The following UPF2 variants were observed in gnomAD, a reference collection of about 807,000 sequenced individuals.
UPF2 encodes the protein regulator of nonsense transcripts 2.
A neutral mutation model predicts 141.4 loss-of-function variants in UPF2; 17 were observed. The observed-to-expected ratio is 0.12, with a 90% CI of 0.08 to 0.18. The LOEUF is 0.18. Among genes scored for constraint, UPF2 ranks in the 10% least tolerant of loss-of-function variants. UPF2 has a pLI of 1.00. For synonymous variants in UPF2, 540 were observed against 498.0 expected (o/e 1.08, Z -1.12); for missense variants, 1,152 against 1,515.9 (o/e 0.76, Z 3.99).
Position 11,992,539 on chromosome 10 carries a change from T to A in UPF2, c.1844+5133A>T, listed in dbSNP as rs904898136. Among the ~76,000 whole-genome samples, 1 of 151,934 alleles carries A rather than the reference T, an allele frequency of 6.6e-6. No homozygotes were observed. The highest frequency in any genetic ancestry group is 2.4e-5 in the African/African-American group (1 of 41,346). ...CAATCATAAAGTAATAAAATAATAA[T>A]GCAAACCTTCCTAAAACCAAGAAAC... is the stretch of plus-strand genomic sequence containing the variant. On this transcript the variant is annotated intron_variant, in intron 8 of 21. Transcript: ENST00000357604. This position sits in a 1 kb window ranked among gnomAD's most constrained non-coding sequence, Gnocchi z 4.1.
chr10:11,971,034 A>G (rs1201971231), intron 9 of UPF2, among the ~76,000 whole-genome samples: 4 of 152,060 alleles, frequency 2.6e-5, no homozygotes, highest in African/African-American at 9.7e-5. Context: ...TCCACATCAT[A>G]TATTTACATT....
In UPF2 at chr10:11,939,645, G is replaced by A. The variant is rs2131166861; in HGVS notation, c.3379-2933C>T. 6.6e-6 allele frequency among the ~76,000 whole-genome samples: 1 copy of A among 152,030 alleles called. No individual in the cohort carries two copies. The highest frequency in any genetic ancestry group is 2.1e-4 in the South Asian group (1 of 4,812). The stretch of plus-strand genomic sequence containing the variant: ...TTCTCCTGACTCAGCCTCCTGAGTA[G>A]CTGGGATTACAGGCGCCTGCCACCA... On this transcript the variant is annotated intron_variant, in intron 18 of 21. Transcript: ENST00000357604. The surrounding 1 kb of genome is among the most constrained non-coding windows in gnomAD (Gnocchi z 4.8).
chr10:11,961,926 T>C (rs1187263320), intron 11 of UPF2, among the ~76,000 whole-genome samples: 1 of 152,170 alleles, frequency 6.6e-6, no homozygotes, highest in African/African-American at 2.4e-5. Flanking sequence ...TATAGTACAC[T>C]GACTATAGCT....
intron 10 of UPF2, among the ~76,000 whole-genome samples, chr10:11,965,255 G>T (rs1833300515): frequency 1.3e-5 from 2 of 152,004 alleles, no homozygotes; most frequent in African/African-American, 4.8e-5. Flanking sequence ...ATATTTTTAA[G>T]AATTAGTACA....
At chr10:12,005,118 T>C (rs1834014966) in intron 4 of UPF2, among the ~76,000 whole-genome samples, 1 of 152,208 alleles carries the variant, frequency 6.6e-6, no homozygotes, top group South Asian at 2.1e-4. Context: ...ATTTTTTTTT[T>C]TTTTGGCAAC....
intron 18 of UPF2, among the ~76,000 whole-genome samples, chr10:11,938,272 T>C (rs1564337515): frequency 6.6e-6 from 1 of 152,242 alleles, no homozygotes; most frequent in Non-Finnish European, 1.5e-5. Context: ...ATTACATTGA[T>C]ATGCCCTTAT....
intron 1 of UPF2, among the ~76,000 whole-genome samples, chr10:12,038,349 C>A: frequency 6.7e-6 from 1 of 149,802 alleles, no homozygotes; most frequent in Non-Finnish European, 1.5e-5. Flanking sequence ...CACTGCACTC[C>A]AGCATGGGCG....
chr10:11,932,561 AAAAAAAACAT>A (rs1299628808), intron 19 of UPF2, among the ~76,000 whole-genome samples: 1 of 152,048 alleles, frequency 6.6e-6, no homozygotes, highest in African/African-American at 2.4e-5. Context: ...TTATGTACTT[AAAAAAAACAT>A]AAAAGAGACA....
At chr10:11,972,243 A>G (rs760308665) in intron 9 of UPF2, among the ~76,000 whole-genome samples, 13 of 152,144 alleles carry the variant, frequency 8.5e-5, no homozygotes, top group Non-Finnish European at 1.5e-4. Context: ...GAGATTTTCT[A>G]TCTTCCATAA....
At chr10:11,923,706 GCACATGCCTGTAAT>G (rs1445017796) in intron 21 of UPF2, among the ~76,000 whole-genome samples, 1 of 151,362 alleles carries the variant, frequency 6.6e-6, no homozygotes, top group East Asian at 1.9e-4. Context: ...GGGCGTGGTG[GCACATGCCTGTAAT>G]CACAGCTACT....
chr10:11,986,495 A>G (rs948782408), intron 8 of UPF2, among the ~76,000 whole-genome samples: 4 of 152,194 alleles, frequency 2.6e-5, no homozygotes, highest in Admixed American at 2.6e-4. Flanking sequence ...TTGGCTTTCT[A>G]AAAGAAATGT....
At chr10:11,985,429 A>T (rs1352095357) in intron 8 of UPF2, among the ~76,000 whole-genome samples, 1 of 152,096 alleles carries the variant, frequency 6.6e-6, no homozygotes, top group Non-Finnish European at 1.5e-5. Flanking sequence ...CGAGGTCAGG[A>T]GATGGAGACC....
intron 19 of UPF2, among the ~76,000 whole-genome samples, chr10:11,932,606 G>C (rs1014328782): frequency 6.6e-6 from 1 of 152,070 alleles, no homozygotes; most frequent in Non-Finnish European, 1.5e-5. Context: ...GAAATGAAGA[G>C]ACAAATTTAC....
chr10:11,996,768 G>A (rs977542248), intron 8 of UPF2, among the ~76,000 whole-genome samples: 4 of 152,030 alleles, frequency 2.6e-5, no homozygotes, highest in Admixed American at 6.6e-5. Flanking sequence ...AATGAATAAC[G>A]CTAGCAGGAG....
rs541547640 is a variant in UPF2, at chr10:11,998,482, C to T, written c.1759-725G>A. Among the ~76,000 whole-genome samples the T allele has an allele frequency of 4.6e-5, 7 of 152,190 alleles. No homozygotes were observed. Among genetic ancestry groups the T allele is most frequent in the African/African-American group, 1.4e-4 (6 of 41,548 alleles). On this transcript the variant is annotated intron_variant, in intron 7 of 21. Coordinates refer to ENST00000357604, the MANE Select transcript of UPF2 (RefSeq NM_015542.4). This position sits in a 1 kb window ranked among gnomAD's most constrained non-coding sequence, Gnocchi z 4.5. Reference sequence around the variant, plus strand: ...ACTGCAGCCTTGCTCTGCCAGGCTCCAGGGATCCTCCTGCCTCAGCTCCCG... The same window carrying T: ...ACTGCAGCCTTGCTCTGCCAGGCTCTAGGGATCCTCCTGCCTCAGCTCCCG...
intron 8 of UPF2, among the ~76,000 whole-genome samples, chr10:11,985,630 A>G (rs1317471247): frequency 1.3e-5 from 2 of 150,564 alleles, no homozygotes; most frequent in African/African-American, 4.9e-5. Context: ...CCAAAAAAAA[A>G]AAAAAACAAA....
intron 8 of UPF2, among the ~76,000 whole-genome samples, chr10:11,994,182 G>T (rs1297164251): frequency 1.3e-5 from 2 of 151,952 alleles, no homozygotes; most frequent in African/African-American, 4.8e-5. Context: ...TTTTTTAGTA[G>T]GAAAAAACTA....
intron 16 of UPF2, among the ~76,000 whole-genome samples, chr10:11,945,549 C>T (rs145157890): frequency 6.6e-6 from 1 of 152,206 alleles, no homozygotes; most frequent in African/African-American, 2.4e-5. Context: ...GCACTTGGAA[C>T]CTCCCTCTGC....
chr10:12,021,994 G>T (rs749579048), intron 3 of UPF2, among the ~76,000 whole-genome samples: 4 of 152,068 alleles, frequency 2.6e-5, no homozygotes, highest in Non-Finnish European at 5.9e-5. Flanking sequence ...ACAAAAATTA[G>T]TCGAGTGTGG....
Sources: allele counts gnomAD v4.1 joint callset (sites outside exome capture counted in the v4.1 genomes callset), GRCh38; gene constraint gnomAD v4.1.1; non-coding constraint Gnocchi (gnomAD v3.1); transcripts MANE v1.5; gene names NCBI Gene and HGNC (gene_info 2026-07-23, HGNC 2026-07-21).